DENND5B: variants seen among roughly 807,000 people sequenced by gnomAD.
DENND5B encodes the protein DENN domain-containing protein 5B.
Under a neutral mutation model 140.6 loss-of-function variants are expected in DENND5B, and 34 were observed. That is an observed-to-expected ratio of 0.24 (90% confidence interval 0.18 to 0.32). DENND5B has a LOEUF of 0.32. Among genes scored for constraint, DENND5B ranks in the 10% least tolerant of loss-of-function variants. DENND5B has a pLI of 1.00. For missense variants in DENND5B, 1,142 were observed against 1,560.2 expected, an observed-to-expected ratio of 0.73 and a Z score of 4.52; for synonymous variants, 551 against 562.1, an observed-to-expected ratio of 0.98 and a Z score of 0.28.
chr12:31,480,194 T>C lies in DENND5B; in HGVS notation c.299A>G (p.His100Arg). The C allele has an allele frequency of 6.2e-7, 1 of 1,602,602 alleles. No individual in the cohort carries two copies. Among genetic ancestry groups the C allele is most frequent in the Non-Finnish European group, 8.5e-7 (1 of 1,174,634 alleles). ...TQTDNKDPQF[H>R]SFIITREDGS... ...ATCTTCCCTGGTAATTATAAATGAG[T>C]GAAACTGGGGGTCTTTATTGTCCGT... The change falls in exon 3 of 21, where the codon CAC (histidine) becomes CGC (arginine). Residue 100 changes from histidine to arginine, a missense_variant. Around this residue, in one of 5 missense-constraint regions of DENND5B, gnomAD observed 708 missense variants for 905.5 expected, o/e 0.78. Transcript: ENST00000389082.
In DENND5B at chr12:31,447,693, G is replaced by C; in HGVS notation, c.1706C>G (p.Thr569Ser). ...SRFIETQMFA[T>S]FIDNKIMSQW... ...AGACATAATTTTATTATCAATAAAG[G>C]TGGCAAACATCTGTGTTTCAATGAA... The change falls in exon 6 of 21, where the codon ACC becomes AGC. Residue 569 changes from threonine to serine, a missense_variant. Thr to Ser is a moderately conservative substitution (Grantham distance 58). This residue lies in a region of DENND5B where 708 missense variants were observed against 905.5 expected (regional missense o/e 0.78). Coordinates refer to ENST00000389082, the MANE Select transcript of DENND5B (RefSeq NM_144973.4). The C allele has an allele frequency of 6.2e-7, 1 of 1,612,714 alleles. No individual in the cohort carries two copies. Among genetic ancestry groups the C allele is most frequent in the Non-Finnish European group, 8.5e-7 (1 of 1,179,398 alleles).
intron 5 of DENND5B, among the ~76,000 whole-genome samples, 178 bp from the exon 6 acceptor site, chr12:31,447,947 T>C (rs1424652161): frequency 1.3e-5 from 2 of 152,212 alleles, no homozygotes; most frequent in Non-Finnish European, 2.9e-5. Context: ...ATTTAGAGAA[T>C]GTACGTCACT....
chr12:31,576,165 T>C (rs1168407140), intron 1 of DENND5B, among the ~76,000 whole-genome samples: 2 of 76,728 alleles, frequency 2.6e-5, no homozygotes, highest in Admixed American at 1.5e-4. Flanking sequence ...AAAAGAAGAA[T>C]GAGGCCGCGC....
intron 2 of DENND5B, among the ~76,000 whole-genome samples, chr12:31,490,971 T>C (rs1023857219): frequency 2.0e-5 from 3 of 152,220 alleles, no homozygotes; most frequent in South Asian, 2.1e-4. Flanking sequence ...ACATAAAAAA[T>C]AGAATCCTTA....
chr12:31,589,945 A>T (rs1950547608), intron 1 of DENND5B: 1 of 152,490 alleles, frequency 6.6e-6, no homozygotes, highest in Non-Finnish European at 1.5e-5. Flanking sequence ...CAAATGAGTC[A>T]AGCGGAAGGA....
rs200931234 is a variant in DENND5B, at chr12:31,413,440, T to G, written c.2677A>C (p.Thr893Pro). 328 of 1,611,674 alleles carry G rather than the reference T, an allele frequency of 2.0e-4. No individual in the cohort carries two copies. The highest frequency in any genetic ancestry group is 2.5e-4 in the Non-Finnish European group (293 of 1,178,636). The change falls in exon 13 of 21, where the codon ACC becomes CCC. Residue 893 changes from threonine to proline, a missense_variant. Thr to Pro is a conservative substitution (Grantham distance 38). Around this residue, in one of 5 missense-constraint regions of DENND5B, gnomAD observed 268 missense variants for 349.2 expected, o/e 0.77. Coordinates refer to ENST00000389082, the MANE Select transcript of DENND5B (RefSeq NM_144973.4). ...LKQLLSNQPLTKKLYKRYAFL... is the reference protein window; with the variant it reads ...LKQLLSNQPLPKKLYKRYAFL... ...GTATCAAAGATGGTATCTTACTTGG[T>G]GAGTGGTTGGTTAGAAAGCAACTGC... is the stretch of plus-strand genomic sequence containing the variant.
intron 5 of DENND5B, among the ~76,000 whole-genome samples, chr12:31,449,735 T>TTTTTTTTTTG (rs1944425924): frequency 1.4e-5 from 2 of 138,084 alleles, no homozygotes; most frequent in Non-Finnish European, 3.2e-5. Flanking sequence ...AGATTAGTTT[T>TTTTTTTTTTG]TTTTTTTTTT....
intron 1 of DENND5B, among the ~76,000 whole-genome samples, chr12:31,548,154 G>A (rs1948923390): frequency 6.6e-6 from 1 of 152,108 alleles, no homozygotes. Context: ...TGCTTTGGGA[G>A]GCCGAGGCAG....
At chr12:31,393,329 G>C (rs1941251206) in intron 17 of DENND5B, among the ~76,000 whole-genome samples, 1 of 152,156 alleles carries the variant, frequency 6.6e-6, no homozygotes, top group Non-Finnish European at 1.5e-5. Context: ...GAAGATGCCA[G>C]GTACCCTGTG....
intron 1 of DENND5B, among the ~76,000 whole-genome samples, chr12:31,517,844 T>C (rs553474486): frequency 4.6e-5 from 7 of 152,238 alleles, no homozygotes; most frequent in Admixed American, 2.6e-4. Flanking sequence ...AAATGACACT[T>C]TGGGGATCAT....
intron 1 of DENND5B, among the ~76,000 whole-genome samples, chr12:31,582,522 G>A (rs556280813): frequency 1.3e-5 from 2 of 152,300 alleles, no homozygotes; most frequent in Non-Finnish European, 2.9e-5. Context: ...AAAGTTAAAA[G>A]TGGTATATTT....
Position 31,387,199 on chromosome 12 carries a change from G to GA in DENND5B, c.*403dup, listed in dbSNP as rs199579076. Reference sequence around the variant, plus strand: ...TCTGGGTTTCTTTGTGATACCTGGAGAAAAAAAAAAGCCCGACTGGGTTGC... The same window carrying GA: ...TCTGGGTTTCTTTGTGATACCTGGAGAAAAAAAAAAAGCCCGACTGGGTTGC... On this transcript the variant is annotated 3_prime_UTR_variant, in exon 21 of 21. Transcript: ENST00000389082. 628 of 151,834 alleles carry GA rather than the reference G, an allele frequency of 4.1e-3. 8 individuals are homozygous for GA. The East Asian group carries it at 0.043, about 10-fold the overall frequency. The allele number at this position is 151,834 out of a possible 1,614,324, so 9.4% of individuals were successfully genotyped here.
At chr12:31,450,526 T>G (rs996546006) in intron 5 of DENND5B, among the ~76,000 whole-genome samples, 1 of 152,102 alleles carries the variant, frequency 6.6e-6, no homozygotes, top group Non-Finnish European at 1.5e-5. Flanking sequence ...CCGGCTAATT[T>G]TAAAATTTTT....
rs1446193092 is a variant in DENND5B at position 31,586,017 on chromosome 12, A to C, written c.127+4689T>G. ...TGTGTACTGTATATAAGGTACTACG[A>C]AAGAGGCAAAGTCCCTTCTCTCTTA... On this transcript the variant is annotated intron_variant, in intron 1 of 20. Transcript: ENST00000389082. Among the ~76,000 whole-genome samples, 21 of 152,228 alleles carry C rather than the reference A, an allele frequency of 1.4e-4. 1 individual carries two copies. Among genetic ancestry groups the C allele is most frequent in the Admixed American group, 1.4e-3 (21 of 15,282 alleles).
chr12:31,419,204 TCAAA>T (rs1438880964), intron 11 of DENND5B, among the ~76,000 whole-genome samples: 1 of 152,212 alleles, frequency 6.6e-6, no homozygotes, highest in Non-Finnish European at 1.5e-5. Context: ...TTGAAAATAC[TCAAA>T]CAATAGGCCA....
chr12:31,393,052 G>A (rs1032976158), intron 17 of DENND5B, among the ~76,000 whole-genome samples: 6 of 152,144 alleles, frequency 3.9e-5, no homozygotes, highest in African/African-American at 1.2e-4. Context: ...CTAGCATGGC[G>A]CCTGTCACAA....
At chr12:31,427,991 A>C (rs939347527) in intron 8 of DENND5B, among the ~76,000 whole-genome samples, 1 of 152,166 alleles carries the variant, frequency 6.6e-6, no homozygotes, top group Non-Finnish European at 1.5e-5. Context: ...GGATTCCACT[A>C]ATCTGTTTAC....
intron 7 of DENND5B, among the ~76,000 whole-genome samples, chr12:31,440,950 G>A (rs1470082817): frequency 1.3e-5 from 2 of 152,168 alleles, no homozygotes; most frequent in African/African-American, 4.8e-5. Flanking sequence ...TGGCCAGGCT[G>A]GTCTTTAACT....
At chr12:31,433,774 G>A (rs976813536) in intron 7 of DENND5B, among the ~76,000 whole-genome samples, 1 of 152,150 alleles carries the variant, frequency 6.6e-6, no homozygotes, top group East Asian at 1.9e-4. Flanking sequence ...GCTTACACCT[G>A]TAATCCTAGC....
Sources: gnomAD v4.1 joint callset for allele counts (sites outside exome capture counted in the v4.1 genomes callset) on GRCh38, gnomAD v4.1.1 for gene constraint, gnomAD v4.1.1 regional missense constraint, MANE v1.5 for transcripts, NCBI Gene and HGNC (gene_info 2026-07-23, HGNC 2026-07-21) for gene names.